The following SIPA1L1 variants were observed in gnomAD, a reference collection of about 807,000 sequenced individuals.
The protein encoded by SIPA1L1 is signal-induced proliferation-associated 1-like protein 1.
SIPA1L1 carries 26 observed loss-of-function variants against 162.7 expected under a neutral mutation model. The ratio of observed to expected loss-of-function variants is 0.16; its 90% CI spans 0.12 to 0.22. The LOEUF (loss-of-function observed/expected upper bound fraction) is 0.22, where lower values mean the gene tolerates loss of function less well. Among genes scored for constraint, SIPA1L1 ranks in the 10% least tolerant of loss-of-function variants. The pLI is 1.00. For missense variants in SIPA1L1, 1,874 were observed against 2,241.0 expected (o/e 0.84, Z 3.31); for synonymous variants, 829 against 837.4 (o/e 0.99, Z 0.17).
At chr14:71,563,740 A>G (rs891323074) in intron 4 of SIPA1L1, among the ~76,000 whole-genome samples, 2 of 152,100 alleles carry the variant, frequency 1.3e-5, no homozygotes, top group Admixed American at 6.6e-5. Flanking sequence ...GGTTTGTCCT[A>G]TTTTACCTCA....
intron 23 of SIPA1L1, among the ~76,000 whole-genome samples, chr14:71,738,684 G>T (rs138244016): frequency 2.6e-5 from 4 of 151,988 alleles, no homozygotes; most frequent in Non-Finnish European, 5.9e-5. Flanking sequence ...TGTTTTTTGG[G>T]TGGCCTTGAC....
chr14:71,709,562 C>T lies in SIPA1L1; in HGVS notation c.4106C>T (p.Ser1369Phe). Residue 1369 changes from serine (S) to phenylalanine (F), a missense_variant, in exon 17 of 24, where the codon TCT becomes TTT. Physicochemically the swap from Ser to Phe is radical, Grantham distance 155. Transcript: ENST00000381232. ...CACGGCCTGGACCGGAAAACAGAGT[C>T]TTCCCTGAGCTTAGACATACACAGC... ...ESHGLDRKTESSLSLDIHSKS... is the reference protein window; with the variant it reads ...ESHGLDRKTEFSLSLDIHSKS... The T allele has an allele frequency of 6.2e-7, 1 of 1,614,144 alleles. No individual in the cohort carries two copies. The highest frequency in any genetic ancestry group is 2.2e-5 in the East Asian group (1 of 44,874).
intron 4 of SIPA1L1, among the ~76,000 whole-genome samples, chr14:71,540,988 C>T (rs1043198762): frequency 1.3e-5 from 2 of 152,008 alleles, no homozygotes; most frequent in Admixed American, 6.6e-5. Context: ...ATTAGCCAGA[C>T]GTGGTGGCAC....
At chr14:71,341,795 G>A (rs189668819) in intron 2 of SIPA1L1, among the ~76,000 whole-genome samples, 9 of 152,142 alleles carry the variant, frequency 5.9e-5, no homozygotes, top group Non-Finnish European at 7.4e-5. Flanking sequence ...TTAGAATAAC[G>A]GCCTCCAGCT....
intron 2 of SIPA1L1, among the ~76,000 whole-genome samples, chr14:71,509,427 T>C (rs922344893): frequency 6.6e-6 from 1 of 152,184 alleles, no homozygotes; most frequent in African/African-American, 2.4e-5. Flanking sequence ...CAATTGTTTT[T>C]TTGTAAGGTA....
At chr14:71,584,306 C>A (rs2034318794) in intron 4 of SIPA1L1, among the ~76,000 whole-genome samples, 1 of 152,098 alleles carries the variant, frequency 6.6e-6, no homozygotes, top group African/African-American at 2.4e-5. Context: ...TCAAGAGATC[C>A]CATAAGAGGT....
At chr14:71,652,864 G>C (rs1250400986) in intron 8 of SIPA1L1, among the ~76,000 whole-genome samples, 1 of 151,876 alleles carries the variant, frequency 6.6e-6, no homozygotes, top group East Asian at 1.9e-4. Context: ...CTGTCCTTTA[G>C]ATCCCTAAAC....
intron 2 of SIPA1L1, among the ~76,000 whole-genome samples, chr14:71,492,209 T>G (rs1196757570): frequency 6.6e-6 from 1 of 152,124 alleles, no homozygotes; most frequent in African/African-American, 2.4e-5. Context: ...CAGCAAGGAT[T>G]TGGCAGGAAG....
chr14:71,429,720 C>T (rs1335398751), intron 2 of SIPA1L1, among the ~76,000 whole-genome samples: 1 of 151,996 alleles, frequency 6.6e-6, no homozygotes, highest in Admixed American at 6.6e-5. Context: ...GTTCTTTAGT[C>T]CTATATGTTT....
At chr14:71,668,121 G>A (rs920783397) in intron 10 of SIPA1L1, among the ~76,000 whole-genome samples, 3 of 152,106 alleles carry the variant, frequency 2.0e-5, no homozygotes, top group Admixed American at 6.5e-5. Flanking sequence ...TTGGCTTTGG[G>A]TATCAACACT....
At chr14:71,568,621 C>T (rs1471004488) in intron 4 of SIPA1L1, among the ~76,000 whole-genome samples, 3 of 152,086 alleles carry the variant, frequency 2.0e-5, no homozygotes, top group East Asian at 3.9e-4. Flanking sequence ...GAGGTGAATC[C>T]GTAAAGTGAG....
chr14:71,544,248 A>ATGTATATACACATGATATG (rs2054919868), intron 4 of SIPA1L1, among the ~76,000 whole-genome samples: 1 of 143,752 alleles, frequency 7.0e-6, no homozygotes, highest in African/African-American at 2.5e-5. Context: ...GTATACACAT[A>ATGTATATACACATGATATG]TGTATATACA....
intron 4 of SIPA1L1, among the ~76,000 whole-genome samples, chr14:71,542,449 T>C (rs1365193932): frequency 6.6e-6 from 1 of 151,264 alleles, no homozygotes; most frequent in Admixed American, 6.6e-5. Context: ...CTTCTGCTTC[T>C]TCTTCCTGCT....
chr14:71,495,166 TTCTC>T (rs2049636461), intron 2 of SIPA1L1, among the ~76,000 whole-genome samples: 1 of 152,230 alleles, frequency 6.6e-6, no homozygotes, highest in Admixed American at 6.5e-5. Context: ...TGTTGTCTCT[TTCTC>T]TGTTTTCTAG....
At chr14:71,443,385 A>C (rs2045073539) in intron 2 of SIPA1L1, among the ~76,000 whole-genome samples, 1 of 152,168 alleles carries the variant, frequency 6.6e-6, no homozygotes, top group Admixed American at 6.5e-5. Context: ...GGAAACTGGT[A>C]ATATTTAATC....
intron 4 of SIPA1L1, chr14:71,573,579 T>A (rs552712103): frequency 2.2e-6 from 1 of 456,740 alleles, no homozygotes; most frequent in South Asian, 1.5e-5. Flanking sequence ...TGGGACCTGC[T>A]GAAGGAGGAA....
At chr14:71,482,986 C>T (rs998926892) in intron 2 of SIPA1L1, among the ~76,000 whole-genome samples, 13 of 151,840 alleles carry the variant, frequency 8.6e-5, no homozygotes, top group African/African-American at 2.2e-4. Flanking sequence ...TGGTATTCTT[C>T]TTTTTTACGA....
At chr14:71,391,103 C>CTTTTTTTTTTTTTTTTTTTTT (rs36003254) in intron 2 of SIPA1L1, among the ~76,000 whole-genome samples, 1 of 108,460 alleles carries the variant, frequency 9.2e-6, no homozygotes, top group Non-Finnish European at 1.8e-5. Context: ...TATTCAGTAT[C>CTTTTTTTTTTTTTTTTTTTTT]TTTTTTTTTT....
At chr14:71,575,131 A>G (rs565716005) in intron 4 of SIPA1L1, 5 of 152,326 alleles carry the variant, frequency 3.3e-5, no homozygotes, top group Admixed American at 2.0e-4. Context: ...TCAGCTTTGA[A>G]TGGGAGGAGG....
Sources: allele counts gnomAD v4.1 joint callset (sites outside exome capture counted in the v4.1 genomes callset), GRCh38; gene constraint gnomAD v4.1.1; transcripts MANE v1.5; gene names NCBI Gene and HGNC (gene_info 2026-07-23, HGNC 2026-07-21).